CLEC16A: variants seen among roughly 807,000 people sequenced by gnomAD.
CLEC16A encodes the protein protein CLEC16A.
CLEC16A carries 51 observed loss-of-function variants against 109.5 expected under a neutral mutation model. The ratio of observed to expected loss-of-function variants is 0.47; its 90% confidence interval spans 0.37 to 0.59. The LOEUF is 0.59. Ranked by LOEUF, CLEC16A falls within the 20% of genes least tolerant of loss-of-function variation. The pLI, the probability that CLEC16A is intolerant of heterozygous loss-of-function variation, is 0.00. For missense variants in CLEC16A, 1,339 were observed against 1,394.0 expected, an observed-to-expected ratio of 0.96 and a Z score of 0.63; for synonymous variants, 673 against 564.2, an observed-to-expected ratio of 1.19 and a Z score of -2.73.
intron 9 of CLEC16A, among the ~76,000 whole-genome samples, chr16:10,981,028 A>T (rs933775932): frequency 6.6e-6 from 1 of 152,054 alleles, no homozygotes. Context: ...CAGCTTTTTG[A>T]GTCTGGCCTG....
At chr16:10,960,580 T>G (rs2042206167) in intron 2 of CLEC16A, among the ~76,000 whole-genome samples, 1 of 152,204 alleles carries the variant, frequency 6.6e-6, no homozygotes, top group Non-Finnish European at 1.5e-5. Context: ...ACTATAAAGC[T>G]ACTGTCTTCT....
intron 15 of CLEC16A, among the ~76,000 whole-genome samples, chr16:11,042,911 A>G (rs2047421587): frequency 6.7e-6 from 1 of 149,846 alleles, no homozygotes; most frequent in African/African-American, 2.4e-5. Context: ...ATAATTATAT[A>G]TATAAAGAAG....
At chr16:11,128,014 T>G (rs1170785341) in intron 22 of CLEC16A, among the ~76,000 whole-genome samples, 2 of 152,256 alleles carry the variant, frequency 1.3e-5, no homozygotes, top group Non-Finnish European at 2.9e-5. Context: ...CTTCGTGTTC[T>G]GTGGCTATGA....
chr16:11,063,074 C>G (rs2048572726), intron 19 of CLEC16A, among the ~76,000 whole-genome samples: 1 of 152,088 alleles, frequency 6.6e-6, no homozygotes, highest in Admixed American at 6.6e-5. Flanking sequence ...GATTAGATTG[C>G]TAGTTGAGAT....
intron 19 of CLEC16A, among the ~76,000 whole-genome samples, chr16:11,105,959 G>T (rs1261772012): frequency 6.6e-6 from 1 of 152,160 alleles, no homozygotes; most frequent in Non-Finnish European, 1.5e-5. Flanking sequence ...CCTACAGAGG[G>T]CTCCATCCAA....
chr16:10,993,708 G>T (rs998111379), intron 10 of CLEC16A, among the ~76,000 whole-genome samples: 9 of 152,290 alleles, frequency 5.9e-5, no homozygotes, highest in African/African-American at 2.2e-4. Flanking sequence ...TCTTTCCAAA[G>T]AAATACCAAA....
At chr16:11,058,253 AT>A (rs764860463) in intron 18 of CLEC16A, among the ~76,000 whole-genome samples, 1 of 152,248 alleles carries the variant, frequency 6.6e-6, no homozygotes, top group East Asian at 1.9e-4. Context: ...ACATTGAGAG[AT>A]TTTATTATAC....
At chr16:11,053,648 G>T (rs551750096) in intron 18 of CLEC16A, among the ~76,000 whole-genome samples, 19 of 152,190 alleles carry the variant, frequency 1.2e-4, no homozygotes, top group Non-Finnish European at 2.5e-4. Context: ...TAGGATTACA[G>T]ATGTGAACCA....
rs150101985 is a variant in CLEC16A, at chr16:10,961,067, C to A, written c.210-1388C>A. 1.2e-4 allele frequency among the ~76,000 whole-genome samples: 18 copies of A among 152,234 alleles called. No individual in the cohort carries two copies. Among genetic ancestry groups the A allele is most frequent in the African/African-American group, 4.3e-4 (18 of 41,534 alleles). On this transcript the variant is annotated intron_variant, in intron 2 of 23. Coordinates refer to ENST00000409790, the MANE Select transcript of CLEC16A (RefSeq NM_015226.3). The surrounding 1 kb of genome is among the most constrained non-coding windows in gnomAD (Gnocchi z 4.3). ...AGACCTACCCTGTCAATCCCCGGGG[C>A]AAGATCTAGGTACAGGCATTTTAAC...
chr16:11,081,724 A>T (rs547435638), intron 19 of CLEC16A, among the ~76,000 whole-genome samples: 155 of 152,278 alleles, frequency 1.0e-3, no homozygotes, highest in African/African-American at 3.5e-3. Flanking sequence ...CCAAAAGCCC[A>T]AGTTGGCTTT....
chr16:11,095,890 C>G (rs547291797), intron 19 of CLEC16A, among the ~76,000 whole-genome samples: 17 of 151,410 alleles, frequency 1.1e-4, no homozygotes, highest in African/African-American at 3.4e-4. Flanking sequence ...GAGACCTTCA[C>G]TTTGGAAGTT....
intron 22 of CLEC16A, among the ~76,000 whole-genome samples, chr16:11,146,373 T>C (rs1246518639): frequency 1.3e-5 from 2 of 152,196 alleles, no homozygotes; most frequent in South Asian, 2.1e-4. Context: ...ACCAGACATA[T>C]AGGTAGTGCT....
At chr16:11,031,717 A>G (rs2046752120) in intron 13 of CLEC16A, among the ~76,000 whole-genome samples, 1 of 152,208 alleles carries the variant, frequency 6.6e-6, no homozygotes, top group South Asian at 2.1e-4. Context: ...GACAGACAGT[A>G]AACTAGTAAC....
intron 10 of CLEC16A, among the ~76,000 whole-genome samples, chr16:10,985,087 C>G (rs1282933170): frequency 1.3e-5 from 2 of 151,538 alleles, no homozygotes; most frequent in Non-Finnish European, 2.9e-5. Flanking sequence ...CCTGCAGTCT[C>G]AGCTACTCGG....
intron 3 of CLEC16A, among the ~76,000 whole-genome samples, chr16:10,967,403 G>C (rs1473708769): frequency 6.6e-6 from 1 of 152,028 alleles, no homozygotes; most frequent in Non-Finnish European, 1.5e-5. Context: ...GATTTTCTTT[G>C]TTTGTTTTGT....
At position 11,159,478 on chromosome 16, in the gene CLEC16A, C is replaced by T. The variant is rs78430986; in HGVS notation, c.2642-6910C>T. On this transcript the variant is annotated intron_variant, in intron 22 of 23. Coordinates refer to ENST00000409790, the MANE Select transcript of CLEC16A (RefSeq NM_015226.3). ...CTAGAAAGGGGAGGGGAAGGCCCTC[C>T]TTGGTAAGGCACCATGCCAGCCCGA... Among the ~76,000 whole-genome samples the T allele has an allele frequency of 3.0e-4, 46 of 152,358 alleles. No homozygotes were observed. In the East Asian group the frequency reaches 3.7e-3, roughly 12 times the overall value.
chr16:10,973,044 C>A lies in CLEC16A; in HGVS notation c.711C>A (p.Cys237Ter). The A allele has an allele frequency of 1.2e-6, 2 of 1,606,420 alleles. No homozygotes were observed. The highest frequency in any genetic ancestry group is 1.7e-6 in the Non-Finnish European group (2 of 1,176,252). ...IGSHVIELDDCVQTDEEHRNR... is the reference protein window; with the variant it reads ...IGSHVIELDD ...GCCATGTGATCGAACTCGATGACTGCGTGCAGACTGATGAGGAGTAAGTGA... is the reference window on the plus strand; with the variant it reads ...GCCATGTGATCGAACTCGATGACTGAGTGCAGACTGATGAGGAGTAAGTGA... Residue 237 changes from cysteine (C) to a stop codon, truncating the protein, a stop_gained, in exon 7 of 24, where the codon TGC becomes TGA. Transcript: ENST00000409790. LOFTEE classifies it high-confidence loss of function.
intron 19 of CLEC16A, among the ~76,000 whole-genome samples, chr16:11,118,435 A>G (rs960856604): frequency 4.6e-5 from 7 of 152,308 alleles, no homozygotes; most frequent in South Asian, 2.1e-4. Context: ...TACACATCCA[A>G]TGCCCATCCA....
At chr16:11,126,223 G>T (rs1430588786) in intron 22 of CLEC16A, 77 bp downstream of exon 22, 4 of 1,589,880 alleles carry the variant, frequency 2.5e-6, no homozygotes, top group Non-Finnish European at 3.4e-6. Flanking sequence ...TGTGGAGCCT[G>T]TGTGAGCTGC....
Sources: allele counts gnomAD v4.1 joint callset (sites outside exome capture counted in the v4.1 genomes callset), GRCh38; gene constraint gnomAD v4.1.1; non-coding constraint Gnocchi (gnomAD v3.1); transcripts MANE v1.5; gene names NCBI Gene and HGNC (gene_info 2026-07-23, HGNC 2026-07-21).